The following CTNNA2 variants were observed in gnomAD, a reference collection of about 807,000 sequenced individuals.
CTNNA2 encodes catenin alpha-2.
CTNNA2 carries 42 observed loss-of-function variants against 101.0 expected under a neutral mutation model. The ratio of observed to expected loss-of-function variants is 0.42; its 90% CI spans 0.32 to 0.54. The LOEUF (loss-of-function observed/expected upper bound fraction) is 0.54. Ranked by LOEUF, CTNNA2 falls within the 20% of genes least tolerant of loss-of-function variation. The pLI, the probability that CTNNA2 is intolerant of heterozygous loss-of-function variation, is 0.14. For synonymous variants in CTNNA2, 450 were observed against 456.4 expected, an observed-to-expected ratio of 0.99 and a Z score of 0.18; for missense variants, 871 against 1,223.1, an observed-to-expected ratio of 0.71 and a Z score of 4.29.
At chr2:80,059,716 A>G (rs1006201325) in intron 7 of CTNNA2, among the ~76,000 whole-genome samples, 2 of 152,176 alleles carry the variant, frequency 1.3e-5, no homozygotes, top group African/African-American at 4.8e-5. Flanking sequence ...TCTTGTAACC[A>G]TGGCAACACA....
chr2:80,123,908 A>T (rs1701982148), intron 7 of CTNNA2, among the ~76,000 whole-genome samples: 1 of 152,162 alleles, frequency 6.6e-6, no homozygotes, highest in African/African-American at 2.4e-5. Context: ...AACAGGGTAC[A>T]GATTCTTAGG....
chr2:79,338,588 T>TCTTCTC lies in CTNNA2; in HGVS notation c.-318+25797_-318+25798insCCTTCT, dbSNP rs1677055823. On this transcript the variant is annotated intron_variant, in intron 3 of 21. Transcript: ENST00000466387. ...TTCTTCCTCCTCATCATCTTCTTCT[T>TCTTCTC]CTTCTTCTTCTTCTTCTTCTTCTTC... 3.8e-5 allele frequency among the ~76,000 whole-genome samples: 5 copies of TCTTCTC among 133,034 alleles called. No individual in the cohort carries two copies. In the South Asian group the frequency reaches 1.3e-3, roughly 34 times the overall value. 87.3% of individuals were successfully genotyped at this position (133,034 alleles called of 152,430 possible). A position where few individuals can be genotyped will look rare whatever the true frequency, so the allele number is the denominator to read the frequency against.
At chr2:80,496,826 C>T (rs1314398047) in intron 9 of CTNNA2, among the ~76,000 whole-genome samples, 1 of 152,156 alleles carries the variant, frequency 6.6e-6, no homozygotes, top group Non-Finnish European at 1.5e-5. Flanking sequence ...TTAAAATTCT[C>T]TTTATATCCT....
At chr2:80,037,436 G>A (rs1695740328) in intron 7 of CTNNA2, among the ~76,000 whole-genome samples, 1 of 152,112 alleles carries the variant, frequency 6.6e-6, no homozygotes, top group Admixed American at 6.5e-5. Context: ...GTAATAGTTT[G>A]ATAATTTTAT....
chr2:80,164,094 G>T lies in CTNNA2; in HGVS notation c.1057-229117G>T, dbSNP rs577145831. ...AGCATATAGTTGGATAATGGTTTTG[G>T]ATCCAGTCTTCTAATATATACGTTT... On this transcript the variant is annotated intron_variant, in intron 7 of 18. Coordinates refer to ENST00000402739, the MANE Select transcript of CTNNA2 (RefSeq NM_001282597.3). 2.3e-4 allele frequency among the ~76,000 whole-genome samples: 35 copies of T among 151,670 alleles called. No individual in the cohort carries two copies. In the South Asian group the frequency reaches 6.9e-3, roughly 30 times the overall value.
intron 7 of CTNNA2, among the ~76,000 whole-genome samples, chr2:79,998,935 C>T (rs1692740026): frequency 6.6e-6 from 1 of 152,090 alleles, no homozygotes; most frequent in African/African-American, 2.4e-5. Context: ...AGTCCTGGTC[C>T]ACGTCATTTC....
At chr2:79,699,646 A>G (rs2104747696) in intron 2 of CTNNA2, among the ~76,000 whole-genome samples, 1 of 151,598 alleles carries the variant, frequency 6.6e-6, no homozygotes. Context: ...AAGACCCTCC[A>G]TGTTAGACAT....
intron 7 of CTNNA2, among the ~76,000 whole-genome samples, chr2:80,274,029 T>C (rs1204046660): frequency 6.6e-6 from 1 of 152,194 alleles, no homozygotes; most frequent in Non-Finnish European, 1.5e-5. Flanking sequence ...ATTTGTCGAA[T>C]GAATACATCA....
At position 79,933,868 on chromosome 2, in the gene CTNNA2, AC is replaced by A. The variant is rs1163896462; in HGVS notation, c.1056+24072del. 3.3e-5 allele frequency among the ~76,000 whole-genome samples: 5 copies of A among 152,286 alleles called. No individual in the cohort carries two copies. The East Asian group carries it at 7.7e-4, about 24-fold the overall frequency. On this transcript the variant is annotated intron_variant, in intron 7 of 18. Coordinates refer to ENST00000402739, the MANE Select transcript of CTNNA2 (RefSeq NM_001282597.3). Reference sequence around the variant, plus strand: ...TGCTTTGTGTGGTTTTAGTTTTTTAACATTTTTTGAATAGTTGTGACAGCTT... The same window carrying A: ...TGCTTTGTGTGGTTTTAGTTTTTTAAATTTTTTGAATAGTTGTGACAGCTT...
At position 80,201,823 on chromosome 2, in the gene CTNNA2, T is replaced by C. The variant is rs189334785; in HGVS notation, c.1057-191388T>C. On this transcript the variant is annotated intron_variant, in intron 7 of 18. Coordinates refer to ENST00000402739, the MANE Select transcript of CTNNA2 (RefSeq NM_001282597.3). The stretch of plus-strand genomic sequence containing the variant: ...AGGAGATGTTTTTGCCTAGTTGTTG[T>C]TATTTTTCTAATTGCCCAATTTTCT... 4.0e-3 allele frequency among the ~76,000 whole-genome samples: 616 copies of C among 152,292 alleles called. 1 individual carries two copies. Among genetic ancestry groups the C allele is most frequent in the African/African-American group, 0.014 (583 of 41,550 alleles).
At chr2:80,314,525 C>T (rs766045613) in intron 7 of CTNNA2, among the ~76,000 whole-genome samples, 3 of 152,118 alleles carry the variant, frequency 2.0e-5, no homozygotes, top group Non-Finnish European at 2.9e-5. Context: ...GGCCATGGGA[C>T]TGTCATTATT....
rs570188331 is a variant in CTNNA2 at position 79,248,704 on chromosome 2, C to T, written c.-406+50628C>T. On this transcript the variant is annotated intron_variant, in intron 2 of 21. Transcript: ENST00000466387. ...TATGTGAGTCAAGGTGTGCATCAGG[C>T]CTGGGCTTCCTTTTGTCCCCCATCA... Among the ~76,000 whole-genome samples the T allele has an allele frequency of 1.2e-3, 187 of 152,250 alleles. 1 individual carries two copies. The highest frequency in any genetic ancestry group is 4.4e-3 in the African/African-American group (181 of 41,552).
rs142317594 is a variant in CTNNA2, at chr2:79,727,106, T to C, written c.103-17281T>C. 4.0e-3 allele frequency among the ~76,000 whole-genome samples: 610 copies of C among 152,348 alleles called. 2 individuals carry two copies. Among genetic ancestry groups the C allele is most frequent in the African/African-American group, 0.014 (582 of 41,580 alleles). On this transcript the variant is annotated intron_variant, in intron 2 of 18. Coordinates refer to ENST00000402739, the MANE Select transcript of CTNNA2 (RefSeq NM_001282597.3). Reference sequence around the variant, plus strand: ...AATCACTAGCACATTGCTAAAAATATGACTTTAATTTGAAAAATTGTTTTG... The same window carrying C: ...AATCACTAGCACATTGCTAAAAATACGACTTTAATTTGAAAAATTGTTTTG...
chr2:79,982,413 C>T (rs956352378), intron 7 of CTNNA2, among the ~76,000 whole-genome samples: 5 of 144,610 alleles, frequency 3.5e-5, no homozygotes, highest in Non-Finnish European at 7.5e-5. Context: ...ACATATAACA[C>T]ATATATAACA....
rs201973388 is a variant in CTNNA2, at chr2:80,439,149, AT to A, written c.1290+19554del. Among the ~76,000 whole-genome samples, 1,168 of 152,282 alleles carry A rather than the reference AT, an allele frequency of 7.7e-3. 20 individuals carry two copies. Among genetic ancestry groups the A allele is most frequent in the African/African-American group, 0.026 (1,086 of 41,556 alleles). On this transcript the variant is annotated intron_variant, in intron 9 of 18. Transcript: ENST00000402739. ...AGCTAGACTTTCCCCAGTCTAAATA[AT>A]TTTTTGACTACTTTCGGGTCTTTTG...
At chr2:79,691,012 C>G (rs780446856) in intron 2 of CTNNA2, among the ~76,000 whole-genome samples, 9 of 151,938 alleles carry the variant, frequency 5.9e-5, no homozygotes, top group Non-Finnish European at 8.8e-5. Context: ...GAAGCACACA[C>G]AACAAAAGAA....
chr2:79,637,224 A>G (rs1680134476), intron 1 of CTNNA2, among the ~76,000 whole-genome samples: 1 of 152,180 alleles, frequency 6.6e-6, no homozygotes, highest in South Asian at 2.1e-4. Context: ...TAATTGGACA[A>G]TACTTTCCAC....
intron 4 of CTNNA2, among the ~76,000 whole-genome samples, chr2:79,475,521 A>T (rs1444602423): frequency 6.6e-6 from 1 of 152,204 alleles, no homozygotes; most frequent in Non-Finnish European, 1.5e-5. Flanking sequence ...GTTACAGTCT[A>T]ATATGAACCA....
intron 1 of CTNNA2, among the ~76,000 whole-genome samples, chr2:79,530,089 G>T (rs895556064): frequency 2.0e-5 from 3 of 152,088 alleles, no homozygotes; most frequent in East Asian, 3.9e-4. Context: ...GCTTTCTGTG[G>T]TGGGAGGTTA....
Sources: gnomAD v4.1 joint callset for allele counts (sites outside exome capture counted in the v4.1 genomes callset) on GRCh38, gnomAD v4.1.1 for gene constraint, MANE v1.5 for transcripts, NCBI Gene and HGNC (gene_info 2026-07-23, HGNC 2026-07-21) for gene names.